Variants in KANSL1 observed in about 807,000 individuals in gnomAD.
KANSL1 encodes MLL1/MLL complex subunit KANSL1.
In KANSL1, 22 loss-of-function variants were observed where a neutral mutation model predicts 103.6. The ratio of observed to expected loss-of-function variants is 0.21; its 90% CI spans 0.15 to 0.30. The LOEUF is 0.30. KANSL1 is among the 10% of genes least tolerant of loss of function. The pLI, the probability that KANSL1 is intolerant of heterozygous loss-of-function variation, is 1.00. For missense variants in KANSL1, 1,337 were observed against 1,399.8 expected, an observed-to-expected ratio of 0.96 and a Z score of 0.72; for synonymous variants, 600 against 527.6, an observed-to-expected ratio of 1.14 and a Z score of -1.88.
rs1394019349 is a variant in KANSL1, at chr17:46,171,023, T to C, written c.1121A>G (p.Asn374Ser). The C allele has an allele frequency of 3.1e-6, 5 of 1,614,110 alleles. No homozygotes were observed. Among genetic ancestry groups the C allele is most frequent in the African/African-American group, 2.7e-5 (2 of 74,944 alleles). The change falls in exon 2 of 15, where the codon AAT (asparagine) becomes AGT (serine). Residue 374 changes from asparagine to serine, a missense_variant. Around this residue, in one of 2 missense-constraint regions of KANSL1, gnomAD observed 557 missense variants for 476.4 expected, o/e 1.17. Transcript: ENST00000432791. ...TCTCTCCAATTCTTCTGAAATTGAA[T>C]TGCTTTTCAGAAAGTTGCTAAGTCC... ...SEGLSNFLKSNSISEELERFT... is the reference protein window; with the variant it reads ...SEGLSNFLKSSSISEELERFT...
chr17:46,164,078 A>G (rs2045879110), intron 2 of KANSL1, among the ~76,000 whole-genome samples: 1 of 152,216 alleles, frequency 6.6e-6, no homozygotes, highest in Admixed American at 6.5e-5. Flanking sequence ...TTCACTCTTT[A>G]AACTTCTTGA....
At chr17:46,126,578 AG>A (rs965433121) in intron 2 of KANSL1, among the ~76,000 whole-genome samples, 1 of 152,226 alleles carries the variant, frequency 6.6e-6, no homozygotes, top group Admixed American at 6.5e-5. Context: ...TGGCAAATAA[AG>A]GGGGGCTTTA....
At chr17:46,203,124 C>T (rs113631305) in intron 1 of KANSL1, among the ~76,000 whole-genome samples, 108 of 152,196 alleles carry the variant, frequency 7.1e-4, no homozygotes, top group African/African-American at 2.4e-3. Context: ...CCCAGCTACT[C>T]GGGAGGCTGA....
At chr17:46,101,951 TTA>T (rs1416663310) in intron 2 of KANSL1, among the ~76,000 whole-genome samples, 3 of 152,118 alleles carry the variant, frequency 2.0e-5, no homozygotes, top group African/African-American at 7.2e-5. Flanking sequence ...GCTTTGAACT[TTA>T]GAGTCATCTA....
chr17:46,104,604 A>G (rs1211498573), intron 2 of KANSL1, among the ~76,000 whole-genome samples: 2 of 152,236 alleles, frequency 1.3e-5, no homozygotes, highest in Admixed American at 6.5e-5. Flanking sequence ...CAAAAAATAT[A>G]AACAATATGA....
At chr17:46,096,585 G>A (rs2146967823) in intron 2 of KANSL1, among the ~76,000 whole-genome samples, 1 of 152,008 alleles carries the variant, frequency 6.6e-6, no homozygotes, top group South Asian at 2.1e-4. Context: ...CTCCCAAAGT[G>A]CTGGGATTAC....
intron 2 of KANSL1, among the ~76,000 whole-genome samples, chr17:46,157,836 G>C (rs2045511811): frequency 6.6e-6 from 1 of 152,232 alleles, no homozygotes; most frequent in African/African-American, 2.4e-5. Flanking sequence ...TGTCCTCCCA[G>C]CCTTTTGAAT....
intron 2 of KANSL1, among the ~76,000 whole-genome samples, chr17:46,096,311 C>CTTTTCTTTTTTTTT (rs2042068578): frequency 1.3e-5 from 1 of 76,408 alleles, no homozygotes; most frequent in African/African-American, 5.6e-5. Context: ...GCTTTTTTTT[C>CTTTTCTTTTTTTTT]TTTTTTTTTT....
chr17:46,209,242 G>A (rs1026004093), intron 1 of KANSL1, among the ~76,000 whole-genome samples: 5 of 152,104 alleles, frequency 3.3e-5, no homozygotes, highest in African/African-American at 1.2e-4. Flanking sequence ...TAAAAAGCTC[G>A]ATGCCAAATA....
chr17:46,107,227 CTAA>C (rs2042606062), intron 2 of KANSL1, among the ~76,000 whole-genome samples: 1 of 152,198 alleles, frequency 6.6e-6, no homozygotes, highest in Non-Finnish European at 1.5e-5. Flanking sequence ...AGGAGGTCTG[CTAA>C]TAATAGGAAG....
chr17:46,224,887 G>C (rs1231608410), upstream of KANSL1: 1 of 151,752 alleles, frequency 6.6e-6, no homozygotes, highest in Non-Finnish European at 1.5e-5. Context: ...GCTCAGGGCA[G>C]GGGCGCCCGC....
At chr17:46,185,664 T>G (rs2046985615) in intron 1 of KANSL1, among the ~76,000 whole-genome samples, 1 of 146,956 alleles carries the variant, frequency 6.8e-6, no homozygotes, top group South Asian at 2.1e-4. Flanking sequence ...AACATATATA[T>G]ATACACATAT....
chr17:46,191,083 T>C (rs114984692), intron 1 of KANSL1, among the ~76,000 whole-genome samples: 45 of 152,302 alleles, frequency 3.0e-4, no homozygotes, highest in African/African-American at 1.0e-3. Flanking sequence ...ATTGAAAAAA[T>C]GTCTAGTAAC....
chr17:46,169,055 G>A (rs2046150465), intron 2 of KANSL1, among the ~76,000 whole-genome samples: 1 of 152,194 alleles, frequency 6.6e-6, no homozygotes, highest in Non-Finnish European at 1.5e-5. Flanking sequence ...TAGTGTCTAG[G>A]TGCTTTTCTG....
chr17:46,103,462 A>ATAATC (rs2042404260), intron 2 of KANSL1, among the ~76,000 whole-genome samples: 1 of 152,218 alleles, frequency 6.6e-6, no homozygotes, highest in Admixed American at 6.5e-5. Flanking sequence ...AGTATATTTT[A>ATAATC]TAATCTAAAA....
At chr17:46,156,234 C>T (rs2045421366) in intron 2 of KANSL1, among the ~76,000 whole-genome samples, 1 of 152,296 alleles carries the variant, frequency 6.6e-6, no homozygotes, top group Non-Finnish European at 1.5e-5. Flanking sequence ...GTAATCCCAG[C>T]CACTTGGAAG....
At chr17:46,165,042 G>A (rs1313850813) in intron 2 of KANSL1, among the ~76,000 whole-genome samples, 1 of 152,170 alleles carries the variant, frequency 6.6e-6, no homozygotes, top group Non-Finnish European at 1.5e-5. Flanking sequence ...GGGAAGCAGA[G>A]ACTGCAATGA....
chr17:46,182,983 C>T (rs930392497), intron 1 of KANSL1, among the ~76,000 whole-genome samples: 13 of 152,188 alleles, frequency 8.5e-5, no homozygotes, highest in Non-Finnish European at 1.2e-4. Flanking sequence ...ATTCAAAGCA[C>T]CACAGTAAGT....
At chr17:46,039,404 G>C in intron 8 of KANSL1, 189 bp from the exon 9 acceptor site, 1 of 611,018 alleles carries the variant, frequency 1.6e-6, no homozygotes, top group Non-Finnish European at 2.8e-6. Context: ...CAGAACCAGA[G>C]AAACATGTCA....
Sources: allele counts gnomAD v4.1 joint callset (sites outside exome capture counted in the v4.1 genomes callset), GRCh38; gene constraint gnomAD v4.1.1; regional missense constraint gnomAD v4.1.1; transcripts MANE v1.5; gene names NCBI Gene and HGNC (gene_info 2026-07-23, HGNC 2026-07-21).